Variants in ENPP6 observed in about 807,000 individuals in gnomAD.
ENPP6 encodes glycerophosphocholine cholinephosphodiesterase ENPP6.
ENPP6 carries 32 observed loss-of-function variants against 42.0 expected under a neutral mutation model. The observed-to-expected ratio is 0.76, with a 90% confidence interval of 0.58 to 1.02. The LOEUF (loss-of-function observed/expected upper bound fraction) is 1.02. Among genes scored for constraint, ENPP6 ranks in the 50% least tolerant of loss-of-function variants. The pLI, the probability that ENPP6 is intolerant of heterozygous loss-of-function variation, is 0.00. For missense variants in ENPP6, 552 were observed against 566.8 expected, an observed-to-expected ratio of 0.97 and a Z score of 0.27; for synonymous variants, 213 against 216.0, an observed-to-expected ratio of 0.99 and a Z score of 0.12.
intron 1 of ENPP6, among the ~76,000 whole-genome samples, chr4:184,186,874 G>A: frequency 6.6e-6 from 1 of 152,094 alleles, no homozygotes; most frequent in Non-Finnish European, 1.5e-5. Context: ...TAAAATGAAA[G>A]TCTTATCACA....
intron 1 of ENPP6, among the ~76,000 whole-genome samples, chr4:184,162,181 C>T (rs900658808): frequency 3.3e-5 from 5 of 152,140 alleles, no homozygotes; most frequent in African/African-American, 1.2e-4. Context: ...CCACAGCAAC[C>T]CCCTCCAAAA....
intron 2 of ENPP6, among the ~76,000 whole-genome samples, chr4:184,132,252 C>T (rs1736649530): frequency 6.6e-6 from 1 of 152,152 alleles, no homozygotes; most frequent in Non-Finnish European, 1.5e-5. Flanking sequence ...AAATAACCAT[C>T]ACAGTGGATA....
chr4:184,155,757 C>G (rs534500552), intron 1 of ENPP6, among the ~76,000 whole-genome samples: 1 of 152,292 alleles, frequency 6.6e-6, no homozygotes, highest in South Asian at 2.1e-4. Flanking sequence ...TACAAGGAAG[C>G]ATGAAGCAAC....
intron 2 of ENPP6, among the ~76,000 whole-genome samples, chr4:184,130,419 G>C (rs1364098668): frequency 8.3e-6 from 1 of 121,018 alleles, no homozygotes; most frequent in Admixed American, 8.0e-5. Flanking sequence ...TTAGCCGGGC[G>C]TGGTGGTGGG....
intron 1 of ENPP6, among the ~76,000 whole-genome samples, chr4:184,209,169 A>C (rs532803766): frequency 1.3e-3 from 190 of 150,802 alleles, no homozygotes; most frequent in Middle Eastern, 6.8e-3. Context: ...AACTCTAAAA[A>C]GCAGAGCGCC....
chr4:184,117,121 G>A (rs4642291), intron 4 of ENPP6, 86 bp from the exon 5 acceptor site: 752,474 of 1,487,670 alleles, frequency 0.51, 195,605 homozygotes, highest in Non-Finnish European at 0.55. Context: ...AATGATAGGA[G>A]AAAGGCTATC....
intron 2 of ENPP6, among the ~76,000 whole-genome samples, chr4:184,130,211 G>A (rs1428970359): frequency 6.6e-6 from 1 of 152,068 alleles, no homozygotes; most frequent in African/African-American, 2.4e-5. Context: ...TGAAACTATA[G>A]GGCAACAAGC....
At chr4:184,146,417 G>A (rs1186308531) in intron 2 of ENPP6, among the ~76,000 whole-genome samples, 4 of 140,582 alleles carry the variant, frequency 2.8e-5, no homozygotes, top group Non-Finnish European at 6.2e-5. Flanking sequence ...GCTCCAGAGC[G>A]AGACTCCGTT....
chr4:184,173,820 C>T (rs1039065535), intron 1 of ENPP6, among the ~76,000 whole-genome samples: 8 of 152,274 alleles, frequency 5.3e-5, no homozygotes, highest in African/African-American at 1.4e-4. Context: ...AAGGGCTTTA[C>T]AATGCAGCCC....
rs766044558 is a variant in ENPP6, at chr4:184,117,863, G to A, written c.571C>T (p.Arg191Cys). Residue 191 changes from arginine to cysteine, a missense_variant, in exon 4 of 8, where the codon CGC becomes TGC. Transcript: ENST00000296741. ...TAGTGGTGGCCTTCCACGTCAATGC[G>A]CTCATGGTATATGGCTGCCAGGTCG... ...RADLAAIYHE[R>C]IDVEGHHYGP... 10 of 1,614,186 alleles carry A rather than the reference G, an allele frequency of 6.2e-6. No individual in the cohort carries two copies. The highest frequency in any genetic ancestry group is 2.7e-5 in the African/African-American group (2 of 75,036).
At chr4:184,136,567 G>A (rs1451943478) in intron 2 of ENPP6, among the ~76,000 whole-genome samples, 1 of 152,208 alleles carries the variant, frequency 6.6e-6, no homozygotes, top group Middle Eastern at 3.4e-3. Flanking sequence ...TATGGTTGCT[G>A]TCTCAGTTTA....
intron 1 of ENPP6, among the ~76,000 whole-genome samples, chr4:184,161,335 A>G (rs1382461353): frequency 6.6e-6 from 1 of 152,234 alleles, no homozygotes; most frequent in African/African-American, 2.4e-5. Flanking sequence ...CAAAACTACA[A>G]TGCAATACCA....
intron 2 of ENPP6, among the ~76,000 whole-genome samples, chr4:184,139,860 T>G (rs1457762008): frequency 1.3e-5 from 1 of 75,194 alleles, no homozygotes; most frequent in Non-Finnish European, 2.9e-5. Context: ...TATAGTCATT[T>G]GGGTATATAT....
chr4:184,180,280 A>G (rs975542225), intron 1 of ENPP6, among the ~76,000 whole-genome samples: 2 of 152,222 alleles, frequency 1.3e-5, no homozygotes, highest in Non-Finnish European at 2.9e-5. Context: ...AAATTCCTGG[A>G]CACATACATC....
chr4:184,138,897 G>A (rs1466448027), intron 2 of ENPP6, among the ~76,000 whole-genome samples: 1 of 152,224 alleles, frequency 6.6e-6, no homozygotes, highest in Non-Finnish European at 1.5e-5. Context: ...GCAGAGAGAG[G>A]AAGAAACTTC....
intron 6 of ENPP6, among the ~76,000 whole-genome samples, chr4:184,098,884 G>C (rs775796636): frequency 9.8e-5 from 15 of 152,290 alleles, no homozygotes; most frequent in Non-Finnish European, 1.8e-4. Flanking sequence ...TCAAATGCAG[G>C]AGGTAGAATT....
intron 1 of ENPP6, among the ~76,000 whole-genome samples, chr4:184,180,740 A>G (rs1302202751): frequency 6.6e-6 from 1 of 152,208 alleles, no homozygotes; most frequent in Non-Finnish European, 1.5e-5. Flanking sequence ...CATCACATAA[A>G]CAGAACTAAT....
chr4:184,147,800 CAA>C (rs5864876), intron 2 of ENPP6, among the ~76,000 whole-genome samples: 5 of 143,880 alleles, frequency 3.5e-5, no homozygotes, highest in Non-Finnish European at 3.0e-5. Context: ...GACCCTGTTT[CAA>C]AAAAAAAAAA....
intron 4 of ENPP6, 130 bp from the exon 5 acceptor site, chr4:184,117,165 G>T: frequency 7.8e-6 from 9 of 1,154,606 alleles, no homozygotes; most frequent in Non-Finnish European, 1.1e-5. Context: ...CTACTATTTT[G>T]CCCTGGTGAG....
Sources: gnomAD v4.1 joint callset for allele counts (sites outside exome capture counted in the v4.1 genomes callset) on GRCh38, gnomAD v4.1.1 for gene constraint, MANE v1.5 for transcripts, NCBI Gene and HGNC (gene_info 2026-07-23, HGNC 2026-07-21) for gene names.